Variants in L3MBTL4 observed in about 807,000 individuals in gnomAD.
L3MBTL4 encodes the protein L3MBTL histone methyl-lysine binding protein 4, also known as lethal(3)malignant brain tumor-like protein 4.
A neutral mutation model predicts 84.5 loss-of-function variants in L3MBTL4; 70 were observed. The ratio of observed to expected loss-of-function variants is 0.83; its 90% CI spans 0.68 to 1.01. L3MBTL4 has a LOEUF of 1.01. Among genes scored for constraint, L3MBTL4 ranks in the 50% least tolerant of loss-of-function variants. The pLI, the probability that L3MBTL4 is intolerant of heterozygous loss-of-function variation, is 0.00. For synonymous variants in L3MBTL4, 274 were observed against 259.8 expected, an observed-to-expected ratio of 1.05 and a Z score of -0.52; for missense variants, 715 against 754.8, an observed-to-expected ratio of 0.95 and a Z score of 0.62.
Position 5,996,801 on chromosome 18 carries a change from T to C in L3MBTL4, c.1445-27239A>G, listed in dbSNP as rs528640017. ...CTGAGGGGCAGCAGGAGTTTCTTTATAAGGGGCAGGACTTAAGCCCTATTT... is the reference window on the plus strand; with the variant it reads ...CTGAGGGGCAGCAGGAGTTTCTTTACAAGGGGCAGGACTTAAGCCCTATTT... On this transcript the variant is annotated intron_variant, in intron 16 of 18. Transcript: ENST00000317931. Among the ~76,000 whole-genome samples, 5 of 152,276 alleles carry C rather than the reference T, an allele frequency of 3.3e-5. No homozygotes were observed. The East Asian group carries it at 7.7e-4, about 24-fold the overall frequency.
At chr18:6,290,300 T>C (rs2049800264) in intron 4 of L3MBTL4, among the ~76,000 whole-genome samples, 1 of 151,814 alleles carries the variant, frequency 6.6e-6, no homozygotes, top group African/African-American at 2.4e-5. Context: ...ACCTTTTTGG[T>C]AGCTTGCCTA....
intron 12 of L3MBTL4, among the ~76,000 whole-genome samples, chr18:6,210,300 G>C (rs1162116475): frequency 6.6e-6 from 1 of 152,192 alleles, no homozygotes; most frequent in South Asian, 2.1e-4. Context: ...GACAATGTGG[G>C]CTTGGGCACA....
At chr18:6,381,125 G>C (rs2054578453) in intron 1 of L3MBTL4, among the ~76,000 whole-genome samples, 1 of 152,150 alleles carries the variant, frequency 6.6e-6, no homozygotes, top group Admixed American at 6.5e-5. Flanking sequence ...TTTTACCAGA[G>C]ATTAGGATTG....
chr18:6,270,813 T>C (rs1410268482), intron 4 of L3MBTL4, among the ~76,000 whole-genome samples: 2 of 152,242 alleles, frequency 1.3e-5, no homozygotes, highest in Non-Finnish European at 2.9e-5. Context: ...AAAGTTGGCC[T>C]AGCAGGTTTG....
chr18:6,197,358 G>A (rs1207040229), intron 12 of L3MBTL4, among the ~76,000 whole-genome samples: 2 of 152,134 alleles, frequency 1.3e-5, no homozygotes, highest in Non-Finnish European at 2.9e-5. Flanking sequence ...GTGAGAACAC[G>A]CAGTGTTTGG....
intron 16 of L3MBTL4, among the ~76,000 whole-genome samples, chr18:6,051,416 G>A (rs932302379): frequency 2.6e-5 from 4 of 152,136 alleles, no homozygotes; most frequent in African/African-American, 9.7e-5. Context: ...GCGCATGCCT[G>A]TAATCCCAGC....
chr18:6,277,843 C>T (rs1003939432), intron 4 of L3MBTL4, among the ~76,000 whole-genome samples: 1 of 151,866 alleles, frequency 6.6e-6, no homozygotes, highest in African/African-American at 2.4e-5. Context: ...ATCTTATATC[C>T]CACCACTTCA....
intron 14 of L3MBTL4, among the ~76,000 whole-genome samples, chr18:6,135,760 A>T (rs537097716): frequency 1.3e-5 from 2 of 152,200 alleles, no homozygotes; most frequent in Non-Finnish European, 2.9e-5. Flanking sequence ...TCCAAACTTT[A>T]CCACATTTTC....
chr18:6,281,786 G>A (rs2049331625), intron 4 of L3MBTL4, among the ~76,000 whole-genome samples: 1 of 152,082 alleles, frequency 6.6e-6, no homozygotes, highest in African/African-American at 2.4e-5. Flanking sequence ...GACAACTACA[G>A]GTAAATAGAA....
At chr18:6,115,284 C>G (rs1417364981) in intron 14 of L3MBTL4, among the ~76,000 whole-genome samples, 1 of 152,028 alleles carries the variant, frequency 6.6e-6, no homozygotes, top group Non-Finnish European at 1.5e-5. Flanking sequence ...ACCTGGTGGC[C>G]CAGTAAGGAG....
intron 14 of L3MBTL4, among the ~76,000 whole-genome samples, chr18:6,094,618 A>G (rs1426671687): frequency 6.6e-6 from 1 of 152,200 alleles, no homozygotes; most frequent in Non-Finnish European, 1.5e-5. Flanking sequence ...ATTTGCTGAT[A>G]CATAGTACAA....
chr18:6,039,879 T>C (rs545140385), intron 16 of L3MBTL4, among the ~76,000 whole-genome samples: 2 of 152,312 alleles, frequency 1.3e-5, no homozygotes, highest in South Asian at 2.1e-4. Flanking sequence ...TCTGAAAAAT[T>C]AGACGATGAA....
intron 1 of L3MBTL4, among the ~76,000 whole-genome samples, chr18:6,345,237 G>GAAAAAGA (rs1568528249): frequency 7.2e-3 from 794 of 110,914 alleles, no homozygotes; most frequent in African/African-American, 0.016. Flanking sequence ...AAAAAAAAAA[G>GAAAAAGA]AAAAAAAAAA....
intron 16 of L3MBTL4, among the ~76,000 whole-genome samples, chr18:6,052,140 G>T (rs748035333): frequency 3.9e-5 from 6 of 152,184 alleles, no homozygotes; most frequent in Non-Finnish European, 7.3e-5. Context: ...AGAACTTAGA[G>T]AAATATTTAG....
At chr18:6,264,141 T>C in intron 4 of L3MBTL4, 103 bp from the exon 5 acceptor site, 1 of 842,036 alleles carries the variant, frequency 1.2e-6, no homozygotes, top group Non-Finnish European at 1.9e-6. Context: ...TTAGTTAAAT[T>C]GGTAGTTGAA....
chr18:6,099,040 C>T (rs1049556795), intron 14 of L3MBTL4, among the ~76,000 whole-genome samples: 1 of 152,158 alleles, frequency 6.6e-6, no homozygotes, highest in African/African-American at 2.4e-5. Context: ...TGCTGCCTGC[C>T]TCACCATGTG....
chr18:6,324,309 G>A (rs1306739908), intron 1 of L3MBTL4, among the ~76,000 whole-genome samples: 2 of 152,194 alleles, frequency 1.3e-5, no homozygotes, highest in Non-Finnish European at 2.9e-5. Flanking sequence ...AGTACTCACT[G>A]GAACACTGAC....
At chr18:6,311,291 A>T (rs1414250604) in intron 3 of L3MBTL4, among the ~76,000 whole-genome samples, 1 of 151,984 alleles carries the variant, frequency 6.6e-6, no homozygotes, top group Admixed American at 6.6e-5. Flanking sequence ...CCGTTCTCTT[A>T]CTTGAGAATG....
chr18:6,248,549 G>GCATTCCCTCACACCACCT (rs1168157518), intron 5 of L3MBTL4, among the ~76,000 whole-genome samples: 5 of 152,108 alleles, frequency 3.3e-5, no homozygotes, highest in Admixed American at 1.3e-4. Context: ...TCTATCCACC[G>GCATTCCCTCACACCACCT]CATTCCCTCA....
Sources: gnomAD v4.1 joint callset for allele counts (sites outside exome capture counted in the v4.1 genomes callset) on GRCh38, gnomAD v4.1.1 for gene constraint, MANE v1.5 for transcripts, NCBI Gene and HGNC (gene_info 2026-07-23, HGNC 2026-07-21) for gene names.